Variants in MEGF11 observed in about 807,000 individuals in gnomAD.
The protein encoded by MEGF11 is multiple epidermal growth factor-like domains protein 11.
In MEGF11, 126 loss-of-function variants were observed where a neutral mutation model predicts 146.6. That is an observed-to-expected ratio of 0.86 (90% confidence interval 0.74 to 1.00). The LOEUF is 1.00. Among genes scored for constraint, MEGF11 ranks in the 50% least tolerant of loss-of-function variants. MEGF11 has a pLI of 0.00. For missense variants in MEGF11, 1,509 were observed against 1,521.2 expected (o/e 0.99, Z 0.13); for synonymous variants, 532 against 583.4 (o/e 0.91, Z 1.27).
chr15:66,106,963 AAC>A (rs1414888872), intron 4 of MEGF11, among the ~76,000 whole-genome samples: 3 of 152,180 alleles, frequency 2.0e-5, no homozygotes, highest in African/African-American at 7.2e-5. Context: ...CTACAGGGTT[AAC>A]AGCTAGCCAC....
chr15:66,020,105 T>C (rs2083056117), intron 5 of MEGF11, among the ~76,000 whole-genome samples: 1 of 152,230 alleles, frequency 6.6e-6, no homozygotes, highest in African/African-American at 2.4e-5. Flanking sequence ...TGTAGGAGGT[T>C]GATTCTACCC....
chr15:65,937,517 C>G (rs1382811684), intron 10 of MEGF11, among the ~76,000 whole-genome samples: 3 of 152,238 alleles, frequency 2.0e-5, no homozygotes, highest in African/African-American at 4.8e-5. Context: ...GCTATTGAAA[C>G]CAGTCTCCCC....
intron 5 of MEGF11, among the ~76,000 whole-genome samples, chr15:66,045,459 C>T (rs528794358): frequency 6.6e-6 from 1 of 152,340 alleles, no homozygotes; most frequent in Non-Finnish European, 1.5e-5. Context: ...CTGAATTGCC[C>T]TGGGCAGTGG....
intron 12 of MEGF11, among the ~76,000 whole-genome samples, chr15:65,929,195 A>G (rs776101988): frequency 6.6e-6 from 1 of 152,242 alleles, no homozygotes; most frequent in Non-Finnish European, 1.5e-5. Context: ...TCATCCAGCA[A>G]TATCATATCA....
At chr15:66,179,943 CA>C (rs1233785503) in intron 1 of MEGF11, among the ~76,000 whole-genome samples, 3 of 152,058 alleles carry the variant, frequency 2.0e-5, no homozygotes, top group African/African-American at 7.2e-5. Flanking sequence ...CAGAACCAGG[CA>C]AGGGTTTACC....
chr15:65,934,583 A>G (rs2079697928), intron 10 of MEGF11, among the ~76,000 whole-genome samples: 2 of 152,130 alleles, frequency 1.3e-5, no homozygotes, highest in South Asian at 4.1e-4. Context: ...CTAATGACTG[A>G]TGGCTGCTTC....
intron 5 of MEGF11, among the ~76,000 whole-genome samples, chr15:66,060,046 G>A (rs1040407274): frequency 3.3e-5 from 5 of 151,992 alleles, no homozygotes; most frequent in South Asian, 4.2e-4. Flanking sequence ...GGGCAGGCGG[G>A]GAACCAAGGG....
chr15:66,045,715 G>A (rs1406232143), intron 5 of MEGF11, among the ~76,000 whole-genome samples: 2 of 152,164 alleles, frequency 1.3e-5, no homozygotes, highest in Admixed American at 1.3e-4. Context: ...TGTGGGCAGG[G>A]CGCTTTACAG....
intron 1 of MEGF11, among the ~76,000 whole-genome samples, chr15:66,166,019 G>A (rs2090087487): frequency 6.6e-6 from 1 of 152,130 alleles, no homozygotes; most frequent in South Asian, 2.1e-4. Context: ...CCCACTCCCT[G>A]GGTGATCTCA....
chr15:66,208,618 A>T (rs978326159), intron 1 of MEGF11, among the ~76,000 whole-genome samples: 11 of 152,228 alleles, frequency 7.2e-5, no homozygotes, highest in Non-Finnish European at 1.3e-4. Flanking sequence ...GTGGCAGCTC[A>T]TGCCTGTAAT....
In MEGF11 at chr15:65,896,621, G is replaced by T. The variant is rs1012172769; in HGVS notation, c.*1313C>A. 2 of 152,526 alleles carry T rather than the reference G, an allele frequency of 1.3e-5. No homozygotes were observed. Among genetic ancestry groups the T allele is most frequent in the African/African-American group, 4.8e-5 (2 of 41,418 alleles). 9.4% of individuals were successfully genotyped at this position (152,526 alleles called of 1,614,324 possible). Reference sequence around the variant, plus strand: ...GTGAGAAGGTTCTCTTTAGGGCTTGGGAGTTGATTTCATTTCATTTGGACT... The same window carrying T: ...GTGAGAAGGTTCTCTTTAGGGCTTGTGAGTTGATTTCATTTCATTTGGACT... On this transcript the variant is annotated 3_prime_UTR_variant, in exon 26 of 26. Transcript: ENST00000395614.
intron 10 of MEGF11, among the ~76,000 whole-genome samples, chr15:65,935,614 T>C (rs1009640932): frequency 3.3e-5 from 5 of 152,188 alleles, no homozygotes; most frequent in African/African-American, 9.7e-5. Flanking sequence ...GAAGAAACTC[T>C]TTGTGTTTTT....
In MEGF11 at chr15:65,915,567, A is replaced by G; in HGVS notation, c.2376T>C (p.Cys792=). The change falls in exon 19 of 26, where the codon TGT becomes TGC. Residue 792 remains cysteine (C), a synonymous_variant. Coordinates refer to ENST00000395614, the MANE Select transcript of MEGF11 (RefSeq NM_001385028.1). Reference sequence around the variant, plus strand: ...TGTTCATGCACTCACATAGCTGCTGACACCCATAGCCAAAGGTTCCTGGGG... The same window carrying G: ...TGTTCATGCACTCACATAGCTGCTGGCACCCATAGCCAAAGGTTCCTGGGG... ...RCAPGTFGYG[C]QQLCECMNNS... 6.2e-7 allele frequency: 1 copy of G among 1,613,974 alleles called. No homozygotes were observed. Among genetic ancestry groups the G allele is most frequent in the South Asian group, 1.1e-5 (1 of 91,076 alleles).
chr15:66,094,526 C>A, intron 4 of MEGF11, 32 bp from the exon 5 acceptor site: 1 of 1,529,458 alleles, frequency 6.5e-7, no homozygotes, highest in Non-Finnish European at 8.9e-7. Context: ...GAGGAAGAAC[C>A]AGAACAAACA....
chr15:66,087,221 T>C (rs1033430121), intron 5 of MEGF11, among the ~76,000 whole-genome samples: 2 of 152,072 alleles, frequency 1.3e-5, no homozygotes, highest in Admixed American at 1.3e-4. Flanking sequence ...AACACAATAA[T>C]AGTGGGGGAC....
At chr15:65,955,739 TAAA>T (rs1189666912) in intron 10 of MEGF11, among the ~76,000 whole-genome samples, 357 of 9,722 alleles carry the variant, frequency 0.037, 24 homozygotes, top group Admixed American at 0.07. Flanking sequence ...GTGAGACTCT[TAAA>T]AAAAAAAAAA....
At chr15:66,242,159 C>T (rs1216061191) in intron 1 of MEGF11, among the ~76,000 whole-genome samples, 2 of 152,118 alleles carry the variant, frequency 1.3e-5, no homozygotes, top group Non-Finnish European at 2.9e-5. Flanking sequence ...ATAATCTCAA[C>T]ACTTTGGGAG....
intron 5 of MEGF11, among the ~76,000 whole-genome samples, chr15:66,020,933 A>C (rs1003885291): frequency 6.9e-6 from 1 of 145,192 alleles, no homozygotes; most frequent in Non-Finnish European, 1.5e-5. Context: ...CGGAGCTTGC[A>C]GTGAGCCGAG....
chr15:66,147,220 C>G (rs2089406227), intron 1 of MEGF11, among the ~76,000 whole-genome samples: 1 of 152,178 alleles, frequency 6.6e-6, no homozygotes, highest in African/African-American at 2.4e-5. Flanking sequence ...GGCTCCCACC[C>G]TAGTCCCTCC....
Sources: allele counts gnomAD v4.1 joint callset (sites outside exome capture counted in the v4.1 genomes callset), GRCh38; gene constraint gnomAD v4.1.1; transcripts MANE v1.5; gene names NCBI Gene and HGNC (gene_info 2026-07-23, HGNC 2026-07-21).